GULP1: variants seen among roughly 807,000 people sequenced by gnomAD.
The protein encoded by GULP1 is PTB domain-containing engulfment adapter protein 1.
In GULP1, 19 loss-of-function variants were observed where a neutral mutation model predicts 40.9. The observed-to-expected ratio is 0.46, with a 90% confidence interval of 0.32 to 0.68. The LOEUF (loss-of-function observed/expected upper bound fraction) is 0.68. GULP1 is among the 30% of genes least tolerant of loss of function. GULP1 has a pLI of 0.03. For missense variants in GULP1, 312 were observed against 362.2 expected (o/e 0.86, Z 1.12); for synonymous variants, 119 against 117.6 (o/e 1.01, Z -0.08).
At chr2:188,591,002 A>C (rs1032387639) in intron 11 of GULP1, 2 of 152,148 alleles carry the variant, frequency 1.3e-5, no homozygotes, top group Non-Finnish European at 2.9e-5. Context: ...TATAAGGAAA[A>C]GAAAAATACG....
chr2:188,445,057 G>A (rs1050475948), intron 2 of GULP1, among the ~76,000 whole-genome samples: 3 of 152,102 alleles, frequency 2.0e-5, no homozygotes, highest in Non-Finnish European at 2.9e-5. Flanking sequence ...AAAGAGGAAC[G>A]AAAAGGTTCC....
At chr2:188,405,444 G>A (rs2052940030) in intron 2 of GULP1, among the ~76,000 whole-genome samples, 2 of 151,930 alleles carry the variant, frequency 1.3e-5, no homozygotes, top group African/African-American at 4.8e-5. Context: ...ATGGACTGAG[G>A]CTCCAGGCCC....
chr2:188,390,718 G>C (rs1228757276), intron 2 of GULP1, among the ~76,000 whole-genome samples: 4 of 151,806 alleles, frequency 2.6e-5, no homozygotes, highest in South Asian at 4.2e-4. Flanking sequence ...GTTTTTCCTG[G>C]GTTATCTTCT....
At chr2:188,332,397 C>T (rs1443203151) in intron 1 of GULP1, among the ~76,000 whole-genome samples, 1 of 152,056 alleles carries the variant, frequency 6.6e-6, no homozygotes, top group Non-Finnish European at 1.5e-5. Context: ...GCCATGTTGG[C>T]CAGGCTGGTC....
chr2:188,342,291 GC>G (rs1422203348), intron 1 of GULP1, among the ~76,000 whole-genome samples: 1 of 152,092 alleles, frequency 6.6e-6, no homozygotes, highest in Non-Finnish European at 1.5e-5. Context: ...GTCTCTCCTA[GC>G]CCTTGGTGGT....
chr2:188,563,035 T>A (rs1696722577), intron 7 of GULP1, among the ~76,000 whole-genome samples: 2 of 152,132 alleles, frequency 1.3e-5, no homozygotes, highest in South Asian at 4.1e-4. Flanking sequence ...GAGAGGCAAA[T>A]TCATAGCTTT....
chr2:188,408,486 A>G (rs912106609), intron 2 of GULP1, among the ~76,000 whole-genome samples: 5 of 152,288 alleles, frequency 3.3e-5, no homozygotes, highest in Admixed American at 1.3e-4. Context: ...TTAAGTATAT[A>G]TGTACCAAAC....
rs77837675 is a variant in GULP1, at chr2:188,324,907, A to T, written c.-172+32741A>T. On this transcript the variant is annotated intron_variant, in intron 1 of 11. Transcript: ENST00000409830. Reference sequence around the variant, plus strand: ...GAAGAAGTATCAAAACACAGAAGTCAGAAGACATTGGTATAATGTATTCAA... The same window carrying T: ...GAAGAAGTATCAAAACACAGAAGTCTGAAGACATTGGTATAATGTATTCAA... Among the ~76,000 whole-genome samples the T allele has an allele frequency of 5.6e-4, 85 of 152,168 alleles. 2 individuals are homozygous for T. The East Asian group carries it at 0.016, about 28-fold the overall frequency.
intron 2 of GULP1, among the ~76,000 whole-genome samples, chr2:188,437,274 T>G (rs1559239673): frequency 6.6e-6 from 1 of 152,040 alleles, no homozygotes; most frequent in Non-Finnish European, 1.5e-5. Context: ...CAAATGCTCT[T>G]TCAGGCTCTT....
At chr2:188,565,881 T>C (rs1697534808) in intron 7 of GULP1, among the ~76,000 whole-genome samples, 1 of 152,090 alleles carries the variant, frequency 6.6e-6, no homozygotes, top group African/African-American at 2.4e-5. Context: ...ACAACACGTA[T>C]GAAACTCAGA....
At chr2:188,450,360 GTTAAA>G (rs969096728) in intron 2 of GULP1, among the ~76,000 whole-genome samples, 5 of 152,050 alleles carry the variant, frequency 3.3e-5, no homozygotes, top group African/African-American at 2.4e-5. Flanking sequence ...GTATAATACA[GTTAAA>G]TTATATTAGA....
At chr2:188,333,141 A>G (rs2041841740) in intron 1 of GULP1, among the ~76,000 whole-genome samples, 2 of 151,892 alleles carry the variant, frequency 1.3e-5, no homozygotes, top group Non-Finnish European at 2.9e-5. Flanking sequence ...GCTATTAGGG[A>G]GGCTGAGGTG....
intron 1 of GULP1, among the ~76,000 whole-genome samples, chr2:188,379,890 A>G (rs2048793957): frequency 6.6e-6 from 1 of 152,064 alleles, no homozygotes; most frequent in Non-Finnish European, 1.5e-5. Flanking sequence ...CACCATCCTC[A>G]CTGGACAGCT....
intron 2 of GULP1, among the ~76,000 whole-genome samples, chr2:188,470,571 A>T (rs2060505893): frequency 6.6e-6 from 1 of 152,026 alleles, no homozygotes; most frequent in Non-Finnish European, 1.5e-5. Flanking sequence ...CCCTCTTAGT[A>T]CTGCTTTGGC....
At chr2:188,547,390 A>G (rs1233287264) in intron 7 of GULP1, among the ~76,000 whole-genome samples, 1 of 152,098 alleles carries the variant, frequency 6.6e-6, no homozygotes, top group African/African-American at 2.4e-5. Flanking sequence ...ATTAAGGAGT[A>G]TTAAACTCAC....
At chr2:188,365,295 A>C (rs1403475858) in intron 1 of GULP1, among the ~76,000 whole-genome samples, 1 of 152,138 alleles carries the variant, frequency 6.6e-6, no homozygotes, top group African/African-American at 2.4e-5. Context: ...ATTGACTGGG[A>C]AGGTTAATCT....
At chr2:188,430,991 T>A (rs1490227268) in intron 2 of GULP1, among the ~76,000 whole-genome samples, 1 of 152,206 alleles carries the variant, frequency 6.6e-6, no homozygotes, top group Non-Finnish European at 1.5e-5. Context: ...TATTTTCACG[T>A]CTTTCCATAC....
intron 6 of GULP1, among the ~76,000 whole-genome samples, chr2:188,539,307 T>A (rs1280033435): frequency 3.3e-5 from 5 of 152,152 alleles, no homozygotes; most frequent in Non-Finnish European, 5.9e-5. Context: ...CTTTTACAAT[T>A]AATAAGCTGT....
intron 4 of GULP1, among the ~76,000 whole-genome samples, chr2:188,484,547 A>C (rs2061701873): frequency 6.6e-6 from 1 of 152,202 alleles, no homozygotes; most frequent in African/African-American, 2.4e-5. Context: ...ACAAAACTAT[A>C]ATATCTTTAT....
Sources: allele counts gnomAD v4.1 joint callset (sites outside exome capture counted in the v4.1 genomes callset), GRCh38; gene constraint gnomAD v4.1.1; transcripts MANE v1.5; gene names NCBI Gene and HGNC (gene_info 2026-07-23, HGNC 2026-07-21).